LINC00632: variants seen among roughly 807,000 people sequenced by gnomAD.
LINC00632 encodes the protein ALDOA related specific transcript.
intron 3 of LINC00632, among the ~76,000 whole-genome samples, chrX:140,739,464 G>C (rs1931193107): frequency 1.8e-5 from 2 of 110,640 alleles, no homozygotes; most frequent in Non-Finnish European, 3.8e-5. Flanking sequence ...CAGGTGATCT[G>C]CCTGCCTTGG....
chrX:140,788,890 C>T (rs1201360348), exon 5 of LINC00632, among the ~76,000 whole-genome samples: 2 of 49,828 alleles, frequency 4.0e-5, no homozygotes, highest in African/African-American at 1.4e-4. Context: ...CACATATATA[C>T]ACATATATGT....
At chrX:140,751,380 T>C (rs190328925) in intron 3 of LINC00632, among the ~76,000 whole-genome samples, 1 of 110,273 alleles carries the variant, frequency 9.1e-6, no homozygotes, top group African/African-American at 3.3e-5. Context: ...ATTGGTGATG[T>C]TGAGCATTTT....
chrX:140,746,835 G>A (rs765609994), intron 3 of LINC00632, among the ~76,000 whole-genome samples: 10 of 111,673 alleles, frequency 9.0e-5, no homozygotes, highest in South Asian at 3.7e-4. Flanking sequence ...CACTCCACCC[G>A]TGACATTTAC....
chrX:140,769,440 C>A (rs948173644), intron 3 of LINC00632, among the ~76,000 whole-genome samples: 3 of 110,730 alleles, frequency 2.7e-5, no homozygotes, highest in East Asian at 5.7e-4. Flanking sequence ...CATTTGATTT[C>A]CATAGCATCT....
exon 5 of LINC00632, among the ~76,000 whole-genome samples, chrX:140,789,083 G>T (rs1253834837): frequency 9.2e-6 from 1 of 108,308 alleles, no homozygotes; most frequent in African/African-American, 3.3e-5. Flanking sequence ...TCTTTGTTTT[G>T]TTACCTTCCT....
chrX:140,740,847 C>T (rs962127475), intron 3 of LINC00632, among the ~76,000 whole-genome samples: 4 of 112,054 alleles, frequency 3.6e-5, no homozygotes, highest in African/African-American at 1.3e-4. Context: ...AGATACTTGC[C>T]AGTGAACAAT....
In LINC00632 at chrX:140,716,780, T is replaced by TACACACAC. The variant is rs200811174; in HGVS notation, n.104+5152_104+5159dup. ...CCCCACAAGGCACAGGCCCACAACA[T>TACACACAC]ACACACACACACACACACACACACA... On this transcript the variant is annotated intron_variant and non_coding_transcript_variant, in intron 2 of 4. Transcript: ENST00000648200. 4.0e-3 allele frequency among the ~76,000 whole-genome samples: 356 copies of TACACACAC among 89,821 alleles called. 2 individuals are homozygous for TACACACAC. The highest frequency in any genetic ancestry group is 0.011 in the African/African-American group (265 of 24,713). The allele number at this position is 89,821 out of a possible 115,157, so 78.0% of individuals were successfully genotyped here.
At position 140,722,254 on chromosome X, in the gene LINC00632, A is replaced by G. The variant is rs141587796; in HGVS notation, n.104+10598A>G. ...AATAAACAAACATGCCCTCTAATAT[A>G]TGAATTCATCACACAACACGCACAC... On this transcript the variant is annotated intron_variant and non_coding_transcript_variant, in intron 2 of 4. Coordinates refer to ENST00000648200, the Ensembl canonical transcript of LINC00632. 1.9e-3 allele frequency among the ~76,000 whole-genome samples: 209 copies of G among 109,914 alleles called. 2 individuals are homozygous for G. Among genetic ancestry groups the G allele is most frequent in the African/African-American group, 6.4e-3 (192 of 30,143 alleles).
chrX:140,790,858 T>C (rs1443626853), exon 5 of LINC00632, among the ~76,000 whole-genome samples: 2 of 112,090 alleles, frequency 1.8e-5, no homozygotes, highest in African/African-American at 6.5e-5. Flanking sequence ...AGGTATCATA[T>C]TGAACTCTAT....
At chrX:140,766,490 A>G (rs1191193291) in intron 3 of LINC00632, among the ~76,000 whole-genome samples, 1 of 112,152 alleles carries the variant, frequency 8.9e-6, no homozygotes, top group Non-Finnish European at 1.9e-5. Context: ...ATATCCCTCA[A>G]TTGTTTCGAA....
rs1034723017 is a variant in LINC00632, at chrX:140,751,980, C to A, written n.191+18016C>A. Among the ~76,000 whole-genome samples, 7 of 111,477 alleles carry A rather than the reference C, an allele frequency of 6.3e-5. No individual in the cohort carries two copies. The Admixed American group carries it at 6.7e-4, about 11-fold the overall frequency. ...ACCTTTGCCACAACCATTTTCATAT[C>A]CCTCTCCCTTGATCCCTTGGTGATG... is the stretch of plus-strand genomic sequence containing the variant. On this transcript the variant is annotated intron_variant and non_coding_transcript_variant, in intron 3 of 4. Coordinates refer to ENST00000648200, the Ensembl canonical transcript of LINC00632.
At chrX:140,747,194 A>AT (rs1010370735) in intron 3 of LINC00632, among the ~76,000 whole-genome samples, 1 of 111,719 alleles carries the variant, frequency 9.0e-6, no homozygotes, top group African/African-American at 3.3e-5. Flanking sequence ...TGGAATTTGC[A>AT]TTTTTTTCAA....
intron 2 of LINC00632, among the ~76,000 whole-genome samples, chrX:140,719,787 A>G (rs1471851151): frequency 9.2e-6 from 1 of 108,179 alleles, no homozygotes; most frequent in African/African-American, 3.4e-5. Context: ...TCCATTTTAC[A>G]TTTTAAAGAC....
chrX:140,722,293 A>G (rs1329926814), intron 2 of LINC00632, among the ~76,000 whole-genome samples: 1 of 107,745 alleles, frequency 9.3e-6, no homozygotes, highest in African/African-American at 3.4e-5. Context: ...CCCCACAAAC[A>G]CCTTTTTGGT....
intron 2 of LINC00632, among the ~76,000 whole-genome samples, chrX:140,724,497 TAC>T (rs776350659): frequency 0.065 from 186 of 2,856 alleles, 1 homozygote; most frequent in Non-Finnish European, 0.077. Context: ...ACACATTCCA[TAC>T]ACACACACAT....
At chrX:140,714,652 G>A (rs1163131141) in intron 2 of LINC00632, 2 of 110,067 alleles carry the variant, frequency 1.8e-5, no homozygotes, top group South Asian at 3.9e-4. Flanking sequence ...GAGAAACCCC[G>A]TCTCCACTAA....
At chrX:140,745,621 G>A (rs1236528065) in intron 3 of LINC00632, among the ~76,000 whole-genome samples, 1 of 111,650 alleles carries the variant, frequency 9.0e-6, no homozygotes, top group Non-Finnish European at 1.9e-5. Flanking sequence ...GCTGGAAGAT[G>A]CCCCAATGCT....
chrX:140,742,867 GA>G (rs1931250004), intron 3 of LINC00632, among the ~76,000 whole-genome samples: 7 of 94,762 alleles, frequency 7.4e-5, no homozygotes, highest in African/African-American at 2.8e-4. Flanking sequence ...GAGAGAGAGA[GA>G]GAGAGAGAGA....
chrX:140,758,372 CTTTTTT>C (rs35668777), intron 3 of LINC00632, among the ~76,000 whole-genome samples: 1 of 69,809 alleles, frequency 1.4e-5, no homozygotes, highest in African/African-American at 4.8e-5. Flanking sequence ...CTACATTTTC[CTTTTTT>C]TTTTTTTTTT....
Sources: gnomAD v4.1 joint callset for allele counts (sites outside exome capture counted in the v4.1 genomes callset) on GRCh38, gnomAD v4.1.1 for gene constraint, MANE v1.5 for transcripts, NCBI Gene and HGNC (gene_info 2026-07-23, HGNC 2026-07-21) for gene names.